The following RASGEF1C variants were observed in gnomAD, a reference collection of about 807,000 sequenced individuals.
The protein encoded by RASGEF1C is RasGEF domain family member 1C.
In RASGEF1C, 27 loss-of-function variants were observed where a neutral mutation model predicts 58.1. The ratio of observed to expected loss-of-function variants is 0.46; its 90% CI spans 0.34 to 0.64. RASGEF1C has a LOEUF of 0.64. RASGEF1C is among the 30% of genes least tolerant of loss of function. The probability of loss-of-function intolerance (pLI) is 0.01; values close to 1 mark genes in which losing one functional copy is unlikely to be tolerated. For synonymous variants in RASGEF1C, 243 were observed against 246.3 expected (o/e 0.99, Z 0.13); for missense variants, 502 against 605.1 (o/e 0.83, Z 1.79).
intron 1 of RASGEF1C, among the ~76,000 whole-genome samples, chr5:180,201,303 A>G (rs528428159): frequency 6.6e-6 from 1 of 152,284 alleles, no homozygotes; most frequent in South Asian, 2.1e-4. Flanking sequence ...CTAGTAACAG[A>G]CAGGAAGTAG....
intron 4 of RASGEF1C, among the ~76,000 whole-genome samples, chr5:180,129,230 G>A (rs1260653125): frequency 1.3e-5 from 2 of 152,234 alleles, no homozygotes; most frequent in Non-Finnish European, 2.9e-5. Context: ...GCCGACCACA[G>A]TTTTGGACAC....
chr5:180,167,426 G>A (rs1767039929), intron 1 of RASGEF1C, among the ~76,000 whole-genome samples: 1 of 152,090 alleles, frequency 6.6e-6, no homozygotes, highest in South Asian at 2.1e-4. Context: ...GGAGGCGGAG[G>A]CGCAGTGAGC....
intron 8 of RASGEF1C, among the ~76,000 whole-genome samples, 168 bp from the exon 9 acceptor site, chr5:180,119,034 C>T (rs1419560913): frequency 6.6e-6 from 1 of 152,200 alleles, no homozygotes; most frequent in Non-Finnish European, 1.5e-5. Flanking sequence ...TCAGGTAGGC[C>T]TGCTGCCACC....
intron 12 of RASGEF1C, among the ~76,000 whole-genome samples, chr5:180,111,254 G>GACCT (rs1343121689): frequency 6.6e-6 from 1 of 152,142 alleles, no homozygotes; most frequent in Non-Finnish European, 1.5e-5. Context: ...CCCCAGCTTG[G>GACCT]ACCTCCTCAG....
At chr5:180,160,607 G>A (rs17080049) in intron 1 of RASGEF1C, among the ~76,000 whole-genome samples, 1,766 of 152,228 alleles carry the variant, frequency 0.012, 16 homozygotes, top group Non-Finnish European at 0.02. Context: ...AATTGGCTCC[G>A]AATCTCAGTA....
At chr5:180,148,502 A>G (rs1421649808) in intron 1 of RASGEF1C, among the ~76,000 whole-genome samples, 1 of 151,714 alleles carries the variant, frequency 6.6e-6, no homozygotes, top group East Asian at 1.9e-4. Context: ...TATATCCTAT[A>G]GCTACTTTCT....
intron 7 of RASGEF1C, 96 bp from the exon 8 acceptor site, chr5:180,119,544 AC>A: frequency 1.1e-6 from 1 of 880,848 alleles, no homozygotes; most frequent in Non-Finnish European, 1.8e-6. Flanking sequence ...CCTTCTCTAA[AC>A]CCATTGCACA....
chr5:180,158,912 T>TA lies in RASGEF1C; in HGVS notation c.-6-20855dup, dbSNP rs1225023945. On this transcript the variant is annotated intron_variant, in intron 1 of 13. Transcript: ENST00000361132. This position sits in a 1 kb window ranked among gnomAD's most constrained non-coding sequence, Gnocchi z 4.0. ...GACCCCCTGGACTTGTCCTCCAATT[T>TA]AAAAAATATTTTCTCTCCTACTTTC... Among the ~76,000 whole-genome samples the TA allele has an allele frequency of 6.6e-6, 1 of 152,138 alleles. No individual in the cohort carries two copies. Among genetic ancestry groups the TA allele is most frequent in the Non-Finnish European group, 1.5e-5 (1 of 68,020 alleles).
intron 1 of RASGEF1C, among the ~76,000 whole-genome samples, chr5:180,162,438 G>A (rs745890883): frequency 2.3e-4 from 35 of 152,214 alleles, no homozygotes; most frequent in Admixed American, 1.0e-3. Context: ...CGGCCTGGGC[G>A]TGTAACTGGA....
chr5:180,202,992 G>A (rs1756422460), intron 1 of RASGEF1C, among the ~76,000 whole-genome samples: 2 of 151,974 alleles, frequency 1.3e-5, no homozygotes, highest in African/African-American at 2.4e-5. Context: ...GTGAGCCACC[G>A]CGCCTGGCCA....
intron 6 of RASGEF1C, among the ~76,000 whole-genome samples, chr5:180,122,957 A>G (rs1766200040): frequency 6.6e-6 from 1 of 152,158 alleles, no homozygotes. Context: ...AGTGATTACA[A>G]CACTGTAATT....
intron 1 of RASGEF1C, among the ~76,000 whole-genome samples, chr5:180,188,902 C>CA (rs1581127090): frequency 6.6e-6 from 1 of 152,144 alleles, no homozygotes; most frequent in African/African-American, 2.4e-5. Flanking sequence ...AATCCACTTC[C>CA]AATACTTCTA....
intron 4 of RASGEF1C, among the ~76,000 whole-genome samples, chr5:180,133,718 C>T (rs1015194109): frequency 2.7e-5 from 4 of 150,478 alleles, no homozygotes; most frequent in African/African-American, 2.5e-5. Context: ...CAAACCAGTT[C>T]GGCAAAATAT....
In RASGEF1C at chr5:180,144,113, C is replaced by T. The variant is rs569894636; in HGVS notation, c.-6-6055G>A. ...AAAGGACCCCCAAGGCCAGCACTCG[C>T]CACGGGGAGCTCGCCACCTGCTAGG... is the stretch of plus-strand genomic sequence containing the variant. On this transcript the variant is annotated intron_variant, in intron 1 of 13. Coordinates refer to ENST00000361132, the MANE Select transcript of RASGEF1C (RefSeq NM_175062.4). Among the ~76,000 whole-genome samples, 54 of 152,316 alleles carry T rather than the reference C, an allele frequency of 3.5e-4. No individual in the cohort carries two copies. The South Asian group carries it at 3.7e-3, about 11-fold the overall frequency.
rs145617363 is a variant in RASGEF1C, at chr5:180,168,728, G to A, written c.-6-30670C>T. On this transcript the variant is annotated intron_variant, in intron 1 of 13. Coordinates refer to ENST00000361132, the MANE Select transcript of RASGEF1C (RefSeq NM_175062.4). The surrounding 1 kb of genome is among the most constrained non-coding windows in gnomAD (Gnocchi z 6.0). The stretch of plus-strand genomic sequence containing the variant: ...CCTCTTGGAATTCTGGGCTCCTGTG[G>A]GACCTACGCAATGCTCCCATGGGAT... Among the ~76,000 whole-genome samples, 1 of 152,156 alleles carries A rather than the reference G, an allele frequency of 6.6e-6. No individual in the cohort carries two copies. Among genetic ancestry groups the A allele is most frequent in the Admixed American group, 6.5e-5 (1 of 15,274 alleles).
rs771846799 is a variant in RASGEF1C at position 180,137,555 on chromosome 5, C to T, written c.300+35G>A. ...AGGGCATGGCAGGGCAGTGCTGGTA[C>T]ACTCTGAGACCCCCTGGCCTGCCCT... On this transcript the variant is annotated intron_variant, in intron 3 of 13. Coordinates refer to ENST00000361132, the MANE Select transcript of RASGEF1C (RefSeq NM_175062.4). The surrounding 1 kb of genome is among the most constrained non-coding windows in gnomAD (Gnocchi z 4.1). 7.5e-6 allele frequency: 12 copies of T among 1,595,906 alleles called. No homozygotes were observed. Among genetic ancestry groups the T allele is most frequent in the South Asian group, 6.8e-5 (6 of 88,852 alleles).
At chr5:180,136,200 C>T (rs1207967554) in intron 4 of RASGEF1C, among the ~76,000 whole-genome samples, 178 bp downstream of exon 4, 2 of 152,244 alleles carry the variant, frequency 1.3e-5, no homozygotes, top group African/African-American at 4.8e-5. Context: ...CACCAGACTC[C>T]GCGTTCCCTC....
chr5:180,116,261 G>A (rs934476518), intron 10 of RASGEF1C, among the ~76,000 whole-genome samples: 6 of 152,054 alleles, frequency 3.9e-5, no homozygotes, highest in Non-Finnish European at 5.9e-5. Context: ...TACAGCCCCG[G>A]TCAGCTTGGA....
Position 180,158,398 on chromosome 5 carries a change from A to G in RASGEF1C, c.-6-20340T>C, listed in dbSNP as rs1766882972. 6.6e-6 allele frequency among the ~76,000 whole-genome samples: 1 copy of G among 152,226 alleles called. No homozygotes were observed. Among genetic ancestry groups the G allele is most frequent in the African/African-American group, 2.4e-5 (1 of 41,470 alleles). On this transcript the variant is annotated intron_variant, in intron 1 of 13. Transcript: ENST00000361132. The surrounding 1 kb of genome is among the most constrained non-coding windows in gnomAD (Gnocchi z 4.0). ...AGTAGCTTTTTGAGAAGAGGTGCTTAGGAAGTAAATGTTTAAGATCTCACA... is the reference window on the plus strand; with the variant it reads ...AGTAGCTTTTTGAGAAGAGGTGCTTGGGAAGTAAATGTTTAAGATCTCACA...
Sources: gnomAD v4.1 joint callset for allele counts (sites outside exome capture counted in the v4.1 genomes callset) on GRCh38, gnomAD v4.1.1 for gene constraint, Gnocchi (gnomAD v3.1) non-coding constraint, MANE v1.5 for transcripts, NCBI Gene and HGNC (gene_info 2026-07-23, HGNC 2026-07-21) for gene names.